UBE4B: variants seen among roughly 807,000 people sequenced by gnomAD.
UBE4B encodes ubiquitination factor E4B.
In UBE4B, 27 loss-of-function variants were observed where a neutral mutation model predicts 148.1. The ratio of observed to expected loss-of-function variants is 0.18; its 90% CI spans 0.13 to 0.25. UBE4B has a LOEUF of 0.25. Among genes scored for constraint, UBE4B ranks in the 10% least tolerant of loss-of-function variants. The probability of loss-of-function intolerance (pLI) is 1.00; values close to 1 mark genes in which losing one functional copy is unlikely to be tolerated. For missense variants in UBE4B, 1,170 were observed against 1,662.4 expected (o/e 0.70, Z 5.15); for synonymous variants, 596 against 619.3 (o/e 0.96, Z 0.56).
At chr1:10,057,420 C>CTTTTTTTTTTTTT (rs1359827824) in intron 1 of UBE4B, among the ~76,000 whole-genome samples, 1 of 132,920 alleles carries the variant, frequency 7.5e-6, no homozygotes, top group African/African-American at 2.8e-5. Context: ...AGTCTTTTCT[C>CTTTTTTTTTTTTT]TTTTTTTTTT....
intron 7 of UBE4B, 65 bp from the exon 8 acceptor site, chr1:10,117,394 A>G: frequency 6.2e-7 from 1 of 1,601,500 alleles, no homozygotes; most frequent in South Asian, 1.1e-5. Context: ...CTGCTGCAGA[A>G]ATGCAAACTC....
chr1:10,073,773 A>G (rs190040770), intron 2 of UBE4B, among the ~76,000 whole-genome samples: 56 of 152,244 alleles, frequency 3.7e-4, no homozygotes, highest in Admixed American at 3.5e-3. Context: ...AAACTCGGGT[A>G]GACCCTTGAT....
At chr1:10,134,171 G>A (rs1645639300) in intron 15 of UBE4B, among the ~76,000 whole-genome samples, 3 of 152,142 alleles carry the variant, frequency 2.0e-5, no homozygotes, top group Admixed American at 2.0e-4. Flanking sequence ...AATGTTAACA[G>A]CAGTATTACT....
intron 26 of UBE4B, chr1:10,179,077 G>A (rs1482404527): frequency 2.1e-6 from 1 of 466,640 alleles, no homozygotes; most frequent in Non-Finnish European, 3.7e-6. Context: ...TGCAAGTGGG[G>A]ATTCACATTT....
rs548034658 is a variant in UBE4B, at chr1:10,163,678, A to T, written c.3198+2392A>T. 4.6e-5 allele frequency among the ~76,000 whole-genome samples: 7 copies of T among 152,182 alleles called. No individual in the cohort carries two copies. In the South Asian group the frequency reaches 1.5e-3, roughly 32 times the overall value. On this transcript the variant is annotated intron_variant, in intron 23 of 27. Coordinates refer to ENST00000343090, the MANE Select transcript of UBE4B (RefSeq NM_001105562.3). ...GTGAGACTCCGTCTCAAATAAATAA[A>T]TAAATATTAAAGAGAGAGAGTCTTG...
At chr1:10,145,963 G>A (rs1480469377) in intron 18 of UBE4B, among the ~76,000 whole-genome samples, 1 of 152,096 alleles carries the variant, frequency 6.6e-6, no homozygotes, top group Non-Finnish European at 1.5e-5. Flanking sequence ...AGTGTTAGCT[G>A]GTCATGCATT....
At chr1:10,124,266 A>G (rs1446380255) in intron 10 of UBE4B, among the ~76,000 whole-genome samples, 2 of 151,898 alleles carry the variant, frequency 1.3e-5, no homozygotes, top group Non-Finnish European at 2.9e-5. Flanking sequence ...GGTTCGAGCG[A>G]TTCTCCTGCC....
At chr1:10,110,499 C>T (rs1259735219) in intron 7 of UBE4B, among the ~76,000 whole-genome samples, 2 of 151,582 alleles carry the variant, frequency 1.3e-5, no homozygotes, top group African/African-American at 4.9e-5. Context: ...ACCCCCAAAC[C>T]TAAAATAAAA....
Position 10,033,454 on chromosome 1 carries a change from C to G in UBE4B, c.-217C>G, listed in dbSNP as rs2101754539. On this transcript the variant is annotated 5_prime_UTR_variant, in exon 1 of 28. Transcript: ENST00000343090. ...AGGAGGCTGCTCAGGGAACAAGCGG[C>G]TGTAGTAGTCTGTGGGGCGACTGGA... 1 of 413,306 alleles carries G rather than the reference C, an allele frequency of 2.4e-6. No individual in the cohort carries two copies. Among genetic ancestry groups the G allele is most frequent in the Non-Finnish European group, 4.2e-6 (1 of 235,944 alleles). 25.6% of individuals were successfully genotyped at this position (413,306 alleles called of 1,614,324 possible). A position where few individuals can be genotyped will look rare whatever the true frequency, so the allele number is the denominator to read the frequency against.
chr1:10,147,468 G>A (rs1645893927), intron 19 of UBE4B, among the ~76,000 whole-genome samples: 1 of 152,066 alleles, frequency 6.6e-6, no homozygotes, highest in Non-Finnish European at 1.5e-5. Context: ...ACTCCAGCCT[G>A]GGCGACAGAG....
intron 1 of UBE4B, among the ~76,000 whole-genome samples, chr1:10,042,602 G>T (rs954597678): frequency 6.6e-6 from 1 of 152,200 alleles, no homozygotes; most frequent in Non-Finnish European, 1.5e-5. Context: ...AGCTGAGATT[G>T]CACCACTGCA....
At chr1:10,119,382 G>T (rs1409133379) in intron 8 of UBE4B, 131 bp from the exon 9 acceptor site, 1 of 781,498 alleles carries the variant, frequency 1.3e-6, no homozygotes, top group African/African-American at 1.7e-5. Flanking sequence ...ACTGTAGCTC[G>T]TTCACTAAGA....
intron 1 of UBE4B, among the ~76,000 whole-genome samples, chr1:10,053,424 C>T (rs1384281553): frequency 2.6e-5 from 4 of 151,298 alleles, no homozygotes; most frequent in Non-Finnish European, 5.9e-5. Flanking sequence ...CCTGGGATTA[C>T]AGGCGTGAGC....
intron 25 of UBE4B, among the ~76,000 whole-genome samples, chr1:10,176,771 T>G (rs969796255): frequency 6.6e-6 from 1 of 150,898 alleles, no homozygotes; most frequent in Non-Finnish European, 1.5e-5. Flanking sequence ...GGAAGAGTTC[T>G]TTTTTTCTTT....
chr1:10,153,113 G>T (rs775752412), intron 21 of UBE4B, among the ~76,000 whole-genome samples: 2 of 152,028 alleles, frequency 1.3e-5, no homozygotes, highest in South Asian at 2.1e-4. Flanking sequence ...CAGTTTTCCA[G>T]TTCTCCTGCA....
intron 12 of UBE4B, among the ~76,000 whole-genome samples, chr1:10,129,878 A>G (rs532690140): frequency 6.6e-6 from 1 of 151,764 alleles, no homozygotes; most frequent in African/African-American, 2.4e-5. Context: ...GTCTCGAACT[A>G]CTGACCTCAG....
intron 10 of UBE4B, among the ~76,000 whole-genome samples, chr1:10,126,175 T>C (rs998028408): frequency 6.6e-6 from 1 of 152,064 alleles, no homozygotes; most frequent in South Asian, 2.1e-4. Context: ...GGCACATGCC[T>C]GTAATCCCAG....
intron 15 of UBE4B, among the ~76,000 whole-genome samples, chr1:10,133,187 G>C (rs1220032005): frequency 6.6e-6 from 1 of 152,160 alleles, no homozygotes; most frequent in Non-Finnish European, 1.5e-5. Context: ...GGAGAAAAGG[G>C]CATCCTTCCT....
chr1:10,070,305 A>T (rs990962574), intron 1 of UBE4B, among the ~76,000 whole-genome samples: 3 of 151,908 alleles, frequency 2.0e-5, no homozygotes, highest in African/African-American at 7.3e-5. Flanking sequence ...TGCTACACAG[A>T]AGACTATATT....
Sources: gnomAD v4.1 joint callset for allele counts (sites outside exome capture counted in the v4.1 genomes callset) on GRCh38, gnomAD v4.1.1 for gene constraint, MANE v1.5 for transcripts, NCBI Gene and HGNC (gene_info 2026-07-23, HGNC 2026-07-21) for gene names.